Variants in GRIK4 observed in about 807,000 individuals in gnomAD.
GRIK4 encodes glutamate ionotropic receptor kainate type subunit 4.
GRIK4 carries 40 observed loss-of-function variants against 104.9 expected under a neutral mutation model. The ratio of observed to expected loss-of-function variants is 0.38; its 90% CI spans 0.30 to 0.50. The LOEUF is 0.50. GRIK4 is among the 20% of genes least tolerant of loss of function. The pLI, the probability that GRIK4 is intolerant of heterozygous loss-of-function variation, is 0.93. For missense variants in GRIK4, 1,047 were observed against 1,308.1 expected, an observed-to-expected ratio of 0.80 and a Z score of 3.08; for synonymous variants, 485 against 524.9, an observed-to-expected ratio of 0.92 and a Z score of 1.04.
intron 1 of GRIK4, among the ~76,000 whole-genome samples, chr11:120,597,067 T>TG (rs2135122641): frequency 6.6e-6 from 1 of 152,296 alleles, no homozygotes; most frequent in East Asian, 1.9e-4. Flanking sequence ...TTGGGGCTTC[T>TG]ATATATGTAA....
intron 1 of GRIK4, among the ~76,000 whole-genome samples, chr11:120,548,487 G>A (rs1948108446): frequency 6.6e-6 from 1 of 152,084 alleles, no homozygotes; most frequent in Non-Finnish European, 1.5e-5. Context: ...TTGCTCAGCT[G>A]GCCATCAGCT....
chr11:120,560,515 A>G (rs1948228371), intron 1 of GRIK4, among the ~76,000 whole-genome samples: 1 of 152,234 alleles, frequency 6.6e-6, no homozygotes, highest in African/African-American at 2.4e-5. Flanking sequence ...AACTGAATAT[A>G]GTATGTATAT....
chr11:120,762,563 T>G (rs1239487996), intron 3 of GRIK4, among the ~76,000 whole-genome samples: 1 of 152,070 alleles, frequency 6.6e-6, no homozygotes, highest in African/African-American at 2.4e-5. Context: ...ATTCAGATAT[T>G]GGCTGTGGGT....
At chr11:120,516,581 C>T (rs949768920) in intron 1 of GRIK4, among the ~76,000 whole-genome samples, 1 of 151,756 alleles carries the variant, frequency 6.6e-6, no homozygotes, top group Non-Finnish European at 1.5e-5. Flanking sequence ...CTCGGGGGAG[C>T]CGGTGAAGAT....
Position 120,987,279 on chromosome 11 carries a change from A to G in GRIK4, c.*1019A>G, listed in dbSNP as rs1365076439. 6.6e-6 allele frequency: 1 copy of G among 152,222 alleles called. No homozygotes were observed. The highest frequency in any genetic ancestry group is 1.5e-5 in the Non-Finnish European group (1 of 68,048). The allele number at this position is 152,222 out of a possible 1,614,324, so 9.4% of individuals were successfully genotyped here. On this transcript the variant is annotated 3_prime_UTR_variant, in exon 21 of 21. Coordinates refer to ENST00000527524, the MANE Select transcript of GRIK4 (RefSeq NM_014619.5). Reference sequence around the variant, plus strand: ...TGGCTTCCGGTGGAACGTGCCGTTCACAGAGGCGGAAGGACTGGGCCACCC... The same window carrying G: ...TGGCTTCCGGTGGAACGTGCCGTTCGCAGAGGCGGAAGGACTGGGCCACCC...
At chr11:120,675,164 C>T (rs977852941) in intron 3 of GRIK4, among the ~76,000 whole-genome samples, 13 of 152,226 alleles carry the variant, frequency 8.5e-5, no homozygotes, top group East Asian at 7.7e-4. Flanking sequence ...CCCCCTTTGG[C>T]GCTTTCCCTT....
chr11:120,648,675 G>A (rs1012398429), intron 1 of GRIK4, among the ~76,000 whole-genome samples: 5 of 152,176 alleles, frequency 3.3e-5, no homozygotes, highest in African/African-American at 1.2e-4. Context: ...GGGCATAGGT[G>A]TATTAGCCTC....
At chr11:120,877,071 G>C (rs1415893361) in intron 11 of GRIK4, among the ~76,000 whole-genome samples, 1 of 152,214 alleles carries the variant, frequency 6.6e-6, no homozygotes, top group East Asian at 1.9e-4. Flanking sequence ...TAAAAGGAAA[G>C]AGTCTCAGAC....
intron 14 of GRIK4, among the ~76,000 whole-genome samples, chr11:120,947,642 A>G (rs938132908): frequency 2.0e-5 from 3 of 152,230 alleles, no homozygotes; most frequent in Non-Finnish European, 4.4e-5. Context: ...ATGATAGCCC[A>G]TATAATGGAA....
intron 3 of GRIK4, among the ~76,000 whole-genome samples, chr11:120,694,747 G>C (rs1565299661): frequency 6.6e-6 from 1 of 152,154 alleles, no homozygotes; most frequent in Non-Finnish European, 1.5e-5. Flanking sequence ...AGAAGAGGCT[G>C]TCTGGAGCCC....
At chr11:120,625,335 A>G (rs12281635) in intron 1 of GRIK4, among the ~76,000 whole-genome samples, 46,347 of 151,972 alleles carry the variant, frequency 0.3, 7,858 homozygotes, top group Non-Finnish European at 0.39. Flanking sequence ...AGGTCAGAGC[A>G]AAGGCAGCGG....
At chr11:120,537,870 CAACA>C (rs1315216783) in intron 1 of GRIK4, among the ~76,000 whole-genome samples, 1 of 151,198 alleles carries the variant, frequency 6.6e-6, no homozygotes, top group East Asian at 1.9e-4. Flanking sequence ...AAAAAGAAAC[CAACA>C]AACAAACCTT....
intron 8 of GRIK4, among the ~76,000 whole-genome samples, chr11:120,838,675 A>G (rs1953641353): frequency 6.6e-6 from 1 of 152,248 alleles, no homozygotes; most frequent in Admixed American, 6.5e-5. Flanking sequence ...AAAAGGGACA[A>G]ACCTCTAATA....
intron 3 of GRIK4, among the ~76,000 whole-genome samples, chr11:120,662,198 G>A (rs115861647): frequency 0.011 from 1,679 of 152,280 alleles, 30 homozygotes; most frequent in African/African-American, 0.038. Flanking sequence ...GGGCTTCAAA[G>A]GCACCCCTCG....
chr11:120,866,896 A>G (rs1361966674), intron 9 of GRIK4, among the ~76,000 whole-genome samples: 1 of 152,212 alleles, frequency 6.6e-6, no homozygotes, highest in Non-Finnish European at 1.5e-5. Flanking sequence ...AGACTCCTGT[A>G]GCCCTTCCCA....
chr11:120,565,942 A>T (rs1429429813), intron 1 of GRIK4, among the ~76,000 whole-genome samples: 1 of 152,162 alleles, frequency 6.6e-6, no homozygotes, highest in African/African-American at 2.4e-5. Context: ...TTGGGGTGTG[A>T]CTTTGGTATT....
rs200044553 is a variant in GRIK4, at chr11:120,940,507, A to G, written c.1590+47A>G. On this transcript the variant is annotated intron_variant, in intron 14 of 20. Coordinates refer to ENST00000527524, the MANE Select transcript of GRIK4 (RefSeq NM_014619.5). The surrounding 1 kb of genome is among the most constrained non-coding windows in gnomAD (Gnocchi z 4.3). The stretch of plus-strand genomic sequence containing the variant: ...CATTTATGTCATTAAAGTTATTTGC[A>G]TGCAAACACTGAGTTATACGGGAAT... 1 of 1,029,188 alleles carries G rather than the reference A, an allele frequency of 9.7e-7. No homozygotes were observed. The highest frequency in any genetic ancestry group is 2.4e-5 in the East Asian group (1 of 42,234). 63.8% of individuals were successfully genotyped at this position (1,029,188 alleles called of 1,614,324 possible). A position where few individuals can be genotyped will look rare whatever the true frequency, so the allele number is the denominator to read the frequency against.
At chr11:120,799,422 G>T (rs751886394) in intron 3 of GRIK4, among the ~76,000 whole-genome samples, 20 of 152,186 alleles carry the variant, frequency 1.3e-4, no homozygotes, top group Non-Finnish European at 8.8e-5. Context: ...GTAGATGGAG[G>T]CTTCCTTTAC....
At chr11:120,800,669 T>C (rs919456452) in intron 3 of GRIK4, among the ~76,000 whole-genome samples, 4 of 152,254 alleles carry the variant, frequency 2.6e-5, no homozygotes, top group African/African-American at 9.6e-5. Flanking sequence ...TTAACTTTTA[T>C]TATTCAATGA....
Sources: allele counts gnomAD v4.1 joint callset (sites outside exome capture counted in the v4.1 genomes callset), GRCh38; gene constraint gnomAD v4.1.1; non-coding constraint Gnocchi (gnomAD v3.1); transcripts MANE v1.5; gene names NCBI Gene and HGNC (gene_info 2026-07-23, HGNC 2026-07-21).